LMBRD1: variants seen among roughly 807,000 people sequenced by gnomAD.
LMBRD1 encodes the protein LMBR1 domain containing 1.
A neutral mutation model predicts 74.8 loss-of-function variants in LMBRD1; 64 were observed. The observed-to-expected ratio is 0.86, with a 90% CI of 0.70 to 1.05. The LOEUF (loss-of-function observed/expected upper bound fraction) is 1.05, where lower values mean the gene tolerates loss of function less well. LMBRD1 is among the 50% of genes least tolerant of loss of function. LMBRD1 has a pLI of 0.00. For missense variants in LMBRD1, 652 were observed against 645.9 expected, an observed-to-expected ratio of 1.01 and a Z score of -0.10; for synonymous variants, 204 against 216.3, an observed-to-expected ratio of 0.94 and a Z score of 0.50.
chr6:69,796,988 G>A lies in LMBRD1; in HGVS notation c.-107C>T. ...GCACCCGCGCACCCTAAAGGTTAAA[G>A]GGGCGGAGGGGGAGGAGCAAGTGGT... On this transcript the variant is annotated 5_prime_UTR_variant, in exon 1 of 16. Transcript: ENST00000649934. 1.1e-6 allele frequency: 1 copy of A among 939,766 alleles called. No individual in the cohort carries two copies. Among genetic ancestry groups the A allele is most frequent in the Admixed American group, 2.0e-5 (1 of 49,450 alleles). 58.2% of individuals were successfully genotyped at this position (939,766 alleles called of 1,614,324 possible).
At chr6:69,709,914 T>A (rs1311156883) in intron 9 of LMBRD1, among the ~76,000 whole-genome samples, 1 of 152,172 alleles carries the variant, frequency 6.6e-6, no homozygotes, top group East Asian at 1.9e-4. Context: ...GATATCATGT[T>A]CATGGATAGA....
intron 3 of LMBRD1, among the ~76,000 whole-genome samples, chr6:69,758,777 A>G (rs904969685): frequency 6.6e-6 from 1 of 152,128 alleles, no homozygotes. Context: ...TTTATTCCTG[A>G]GCTATTCCAA....
At chr6:69,756,217 G>T (rs908047106) in intron 3 of LMBRD1, among the ~76,000 whole-genome samples, 1 of 151,936 alleles carries the variant, frequency 6.6e-6, no homozygotes, top group African/African-American at 2.4e-5. Context: ...AAAAAAACTA[G>T]CCAGGCATGG....
chr6:69,723,557 G>T (rs906051501), intron 7 of LMBRD1, among the ~76,000 whole-genome samples: 1 of 152,016 alleles, frequency 6.6e-6, no homozygotes, highest in Middle Eastern at 3.2e-3. Context: ...TAAACAATAT[G>T]CTCCTAAATG....
chr6:69,747,060 C>CA (rs1206392638), intron 5 of LMBRD1, among the ~76,000 whole-genome samples: 2,445 of 76,998 alleles, frequency 0.032, 32 homozygotes, highest in African/African-American at 0.061. Context: ...CTCAACTCTC[C>CA]AAAAAAAAAA....
chr6:69,723,147 C>T (rs559213052), intron 7 of LMBRD1, among the ~76,000 whole-genome samples: 59 of 151,978 alleles, frequency 3.9e-4, no homozygotes, highest in African/African-American at 1.3e-3. Flanking sequence ...ATAAATGCAC[C>T]CAACACTGGA....
At chr6:69,753,434 T>C (rs767150415) in intron 3 of LMBRD1, among the ~76,000 whole-genome samples, 1 of 152,206 alleles carries the variant, frequency 6.6e-6, no homozygotes, top group Non-Finnish European at 1.5e-5. Flanking sequence ...ACAATAATAA[T>C]GACAAGTGTT....
intron 3 of LMBRD1, among the ~76,000 whole-genome samples, chr6:69,755,205 A>C (rs1232266038): frequency 6.6e-6 from 1 of 152,230 alleles, no homozygotes; most frequent in Non-Finnish European, 1.5e-5. Flanking sequence ...GATAGACTGG[A>C]TAAAGAAAAT....
At chr6:69,792,086 T>A (rs2149898503) in intron 1 of LMBRD1, among the ~76,000 whole-genome samples, 1 of 152,340 alleles carries the variant, frequency 6.6e-6, no homozygotes, top group East Asian at 1.9e-4. Context: ...TCTACTTTTT[T>A]CCAGGAATTT....
At position 69,780,462 on chromosome 6, in the gene LMBRD1, C is replaced by A. The variant is rs376906977; in HGVS notation, c.307+32G>T. 11 of 1,535,384 alleles carry A rather than the reference C, an allele frequency of 7.2e-6. No homozygotes were observed. The East Asian group carries it at 1.6e-4, about 22-fold the overall frequency. On this transcript the variant is annotated intron_variant, in intron 3 of 15. Transcript: ENST00000649934. ...TCGTATCAGTATTTTGGTTAGCAGT[C>A]CAAATAGGGAAAGAAACTGAAAGAT...
chr6:69,787,050 T>C (rs544139072), intron 2 of LMBRD1, among the ~76,000 whole-genome samples: 25 of 152,228 alleles, frequency 1.6e-4, no homozygotes, highest in South Asian at 4.1e-4. Context: ...TACATTCATC[T>C]TTACAAACAA....
intron 9 of LMBRD1, among the ~76,000 whole-genome samples, 189 bp downstream of exon 9, chr6:69,713,456 C>T (rs1766425462): frequency 6.6e-6 from 1 of 152,048 alleles, no homozygotes; most frequent in Non-Finnish European, 1.5e-5. Context: ...TGTTGTAATA[C>T]ATTGCTCAGA....
chr6:69,720,039 G>T (rs1766579893), intron 7 of LMBRD1, among the ~76,000 whole-genome samples: 1 of 152,128 alleles, frequency 6.6e-6, no homozygotes, highest in South Asian at 2.1e-4. Context: ...CTCCAAGAAT[G>T]ACTTAAGATA....
intron 7 of LMBRD1, among the ~76,000 whole-genome samples, chr6:69,727,050 G>A (rs2149861818): frequency 6.6e-6 from 1 of 152,258 alleles, no homozygotes; most frequent in African/African-American, 2.4e-5. Flanking sequence ...AGCTACTCGG[G>A]AGGCTGAGGC....
chr6:69,740,359 T>A (rs1027609131), intron 6 of LMBRD1, among the ~76,000 whole-genome samples: 5 of 152,086 alleles, frequency 3.3e-5, no homozygotes, highest in Non-Finnish European at 7.4e-5. Flanking sequence ...ACCTATCTAA[T>A]CACCAATTCA....
At chr6:69,749,475 C>T in intron 4 of LMBRD1, 67 bp from the exon 5 acceptor site, 2 of 1,215,334 alleles carry the variant, frequency 1.6e-6, no homozygotes, top group Admixed American at 3.4e-5. Flanking sequence ...ATTCTTGCAA[C>T]ACTTTAACAG....
At chr6:69,684,754 G>A (rs1388729630) in intron 14 of LMBRD1, among the ~76,000 whole-genome samples, 1 of 152,056 alleles carries the variant, frequency 6.6e-6, no homozygotes, top group Non-Finnish European at 1.5e-5. Context: ...AAGCTGAGCA[G>A]CAGAATCAGA....
chr6:69,733,345 AAGGTAAGTT>A (rs1415937064), intron 7 of LMBRD1, among the ~76,000 whole-genome samples: 1 of 152,196 alleles, frequency 6.6e-6, no homozygotes, highest in Admixed American at 6.5e-5. Flanking sequence ...AACCTTTTCC[AAGGTAAGTT>A]AGGAGAAAAC....
chr6:69,735,357 A>G (rs558238124), intron 7 of LMBRD1, among the ~76,000 whole-genome samples: 2 of 152,246 alleles, frequency 1.3e-5, no homozygotes, highest in East Asian at 3.9e-4. Context: ...AAACCCACGC[A>G]GACATGGAAA....
Sources: gnomAD v4.1 joint callset for allele counts (sites outside exome capture counted in the v4.1 genomes callset) on GRCh38, gnomAD v4.1.1 for gene constraint, MANE v1.5 for transcripts, NCBI Gene and HGNC (gene_info 2026-07-23, HGNC 2026-07-21) for gene names.